Variants in SYNE2 observed in about 807,000 individuals in gnomAD.
The protein encoded by SYNE2 is nesprin-2.
A neutral mutation model predicts 856.3 loss-of-function variants in SYNE2; 431 were observed. The ratio of observed to expected loss-of-function variants is 0.50; its 90% CI spans 0.47 to 0.55. The LOEUF (loss-of-function observed/expected upper bound fraction) is 0.55, where lower values mean the gene tolerates loss of function less well. SYNE2 is among the 20% of genes least tolerant of loss of function. The probability of loss-of-function intolerance (pLI) is 0.00; values close to 1 mark genes in which losing one functional copy is unlikely to be tolerated. For synonymous variants in SYNE2, 2,923 were observed against 2,872.3 expected, an observed-to-expected ratio of 1.02 and a Z score of -0.56; for missense variants, 8,129 against 8,023.2, an observed-to-expected ratio of 1.01 and a Z score of -0.50.
intron 49 of SYNE2, among the ~76,000 whole-genome samples, chr14:64,056,584 A>T (rs1165180271): frequency 6.6e-6 from 1 of 152,076 alleles, no homozygotes; most frequent in African/African-American, 2.4e-5. Context: ...CCAAAAGGAC[A>T]TCGAGTTCTC....
chr14:63,823,574 A>T (rs1218666241), intron 1 of SYNE2, among the ~76,000 whole-genome samples: 1 of 152,168 alleles, frequency 6.6e-6, no homozygotes, highest in Middle Eastern at 3.4e-3. Context: ...ATTCTTTGCC[A>T]GTATTATACT....
rs774651450 is a variant in SYNE2 at position 64,052,067 on chromosome 14, A to G, written c.8154A>G (p.Pro2718=). 1.9e-6 allele frequency: 3 copies of G among 1,614,250 alleles called. No individual in the cohort carries two copies. Among genetic ancestry groups the G allele is most frequent in the South Asian group, 1.1e-5 (1 of 91,086 alleles). The change falls in exon 48 of 116, where the codon CCA becomes CCG. Residue 2718 remains proline (P), a synonymous_variant. Transcript: ENST00000555002. ...AGAAACAATGGGAAACATTGGAGCC[A>G]TTACACTTAGAAGCAGAAAATCAGA... is the stretch of plus-strand genomic sequence containing the variant. ...NLKKQWETLE[P]LHLEAENQIK...
At chr14:64,221,252 C>T (rs187613293) in intron 111 of SYNE2, among the ~76,000 whole-genome samples, 1 of 152,244 alleles carries the variant, frequency 6.6e-6, no homozygotes, top group East Asian at 1.9e-4. Context: ...TTCCCTCTGC[C>T]ACTGGAACCC....
At chr14:63,879,845 A>T (rs1474697555) in intron 1 of SYNE2, among the ~76,000 whole-genome samples, 2 of 152,250 alleles carry the variant, frequency 1.3e-5, no homozygotes, top group African/African-American at 4.8e-5. Flanking sequence ...AGCCAAGGTT[A>T]TAGTGGGGAT....
chr14:64,192,248 T>G (rs1239398301), intron 99 of SYNE2, among the ~76,000 whole-genome samples: 1 of 152,162 alleles, frequency 6.6e-6, no homozygotes, highest in Non-Finnish European at 1.5e-5. Context: ...ATAATTTCTG[T>G]GGGATAAATT....
intron 79 of SYNE2, among the ~76,000 whole-genome samples, chr14:64,139,632 C>T (rs148394470): frequency 1.1e-3 from 165 of 152,004 alleles, no homozygotes; most frequent in African/African-American, 3.8e-3. Flanking sequence ...AGGCTGGTCT[C>T]GAACTCCTGA....
intron 96 of SYNE2, 42 bp from the exon 97 acceptor site, chr14:64,186,382 T>A: frequency 6.2e-7 from 1 of 1,613,378 alleles, no homozygotes; most frequent in Non-Finnish European, 8.5e-7. Context: ...AACAGCCGCT[T>A]GAGTTGAAGG....
At position 64,000,697 on chromosome 14, in the gene SYNE2, C is replaced by G. The variant is rs750505478; in HGVS notation, c.3616C>G (p.Leu1206Val). Residue 1206 changes from leucine (L) to valine (V), a missense_variant, in exon 28 of 116, where the codon CTT (leucine) becomes GTT (valine). Physicochemically the swap from Leu to Val is conservative, Grantham distance 32 (BLOSUM62 1). Around this residue, in one of 3 missense-constraint regions of SYNE2, gnomAD observed 2,422 missense variants for 2,357.4 expected, o/e 1.03. Coordinates refer to ENST00000555002, the MANE Select transcript of SYNE2 (RefSeq NM_182914.3). ...RDTLKERERE[L>V]QMTLNTRMES... ...CACACTAAAGGAAAGAGAAAGAGAG[C>G]TTCAGATGACTCTTAATACCAGGTA... The G allele has an allele frequency of 1.2e-6, 2 of 1,612,782 alleles. No individual in the cohort carries two copies. Among genetic ancestry groups the G allele is most frequent in the South Asian group, 1.1e-5 (1 of 90,946 alleles).
At chr14:64,071,789 G>A (rs1408600666) in intron 52 of SYNE2, among the ~76,000 whole-genome samples, 1 of 151,638 alleles carries the variant, frequency 6.6e-6, no homozygotes, top group Non-Finnish European at 1.5e-5. Context: ...GGCCAAGGTG[G>A]ATGGATCACC....
chr14:63,898,015 A>C (rs1280718186), intron 1 of SYNE2, among the ~76,000 whole-genome samples: 1 of 152,180 alleles, frequency 6.6e-6, no homozygotes, highest in African/African-American at 2.4e-5. Context: ...ACTTTGTCTT[A>C]TCATGAGCTG....
intron 80 of SYNE2, 90 bp from the exon 81 acceptor site, chr14:64,141,251 G>A: frequency 2.0e-6 from 2 of 1,024,998 alleles, no homozygotes; most frequent in Non-Finnish European, 1.5e-6. Context: ...TATTTACTAT[G>A]TTTATTTGTT....
At chr14:64,185,910 C>G (rs1390092874) in intron 96 of SYNE2, among the ~76,000 whole-genome samples, 1 of 152,150 alleles carries the variant, frequency 6.6e-6, no homozygotes, top group Non-Finnish European at 1.5e-5. Context: ...ATTTTTTCTT[C>G]CGTTATACTT....
At chr14:64,202,682 ATTC>A in intron 99 of SYNE2, 116 bp from the exon 100 acceptor site, 1 of 1,323,228 alleles carries the variant, frequency 7.6e-7, no homozygotes, top group Admixed American at 2.1e-5. Context: ...AGCAAAATAG[ATTC>A]TTTTTTACCC....
intron 1 of SYNE2, among the ~76,000 whole-genome samples, chr14:63,801,008 G>A (rs1888107267): frequency 1.3e-5 from 2 of 152,026 alleles, no homozygotes; most frequent in Admixed American, 1.3e-4. Flanking sequence ...CTCTATTCAA[G>A]GAATTATGAA....
chr14:64,172,778 C>CA (rs2098417022), intron 94 of SYNE2, among the ~76,000 whole-genome samples: 1 of 151,842 alleles, frequency 6.6e-6, no homozygotes, highest in African/African-American at 2.4e-5. Context: ...CAAAAAAATT[C>CA]AAAATTTAGC....
At chr14:64,098,372 A>T in intron 62 of SYNE2, 1 of 617,088 alleles carries the variant, frequency 1.6e-6, no homozygotes. Context: ...TTACTTTAGG[A>T]CATGCTTATA....
chr14:64,134,752 G>A (rs906261232), intron 78 of SYNE2, among the ~76,000 whole-genome samples: 4 of 152,026 alleles, frequency 2.6e-5, no homozygotes, highest in African/African-American at 9.7e-5. Context: ...CAAGGCAGGT[G>A]GATTGCCTGG....
chr14:64,212,074 C>T lies in SYNE2; in HGVS notation c.18837C>T (p.Ala6279=), dbSNP rs563426023. The T allele has an allele frequency of 1.6e-5, 26 of 1,614,104 alleles. No homozygotes were observed. Among genetic ancestry groups the T allele is most frequent in the Admixed American group, 1.3e-4 (8 of 60,030 alleles). The change falls in exon 104 of 116, where the codon GCC becomes GCT. Residue 6279 remains alanine, a synonymous_variant. Coordinates refer to ENST00000555002, the MANE Select transcript of SYNE2 (RefSeq NM_182914.3). ...TNVEHFSESD[A]DDKMRQLNGF... is the part of the protein sequence containing the mutation. Reference sequence around the variant, plus strand: ...TGGAGCACTTCTCAGAGAGTGACGCCGATGACAAGATGCGCCAACTGAATG... The same window carrying T: ...TGGAGCACTTCTCAGAGAGTGACGCTGATGACAAGATGCGCCAACTGAATG...
chr14:64,225,167 C>A, intron 115 of SYNE2, 122 bp downstream of exon 115: 1 of 1,540,280 alleles, frequency 6.5e-7, no homozygotes, highest in Non-Finnish European at 8.9e-7. Context: ...CTGGAAAGGG[C>A]TGGTTTTCTC....
Sources: allele counts gnomAD v4.1 joint callset (sites outside exome capture counted in the v4.1 genomes callset), GRCh38; gene constraint gnomAD v4.1.1; regional missense constraint gnomAD v4.1.1; transcripts MANE v1.5; gene names NCBI Gene and HGNC (gene_info 2026-07-23, HGNC 2026-07-21).